The following FBXL7 variants were observed in gnomAD, a reference collection of about 807,000 sequenced individuals.
FBXL7 encodes the protein F-box/LRR-repeat protein 7.
A neutral mutation model predicts 38.3 loss-of-function variants in FBXL7; 12 were observed. That is an observed-to-expected ratio of 0.31 (90% confidence interval 0.20 to 0.51). The LOEUF (loss-of-function observed/expected upper bound fraction) is 0.51, where lower values mean the gene tolerates loss of function less well. FBXL7 is among the 20% of genes least tolerant of loss of function. FBXL7 has a pLI of 0.98. For missense variants in FBXL7, 567 were observed against 676.4 expected (o/e 0.84, Z 1.79); for synonymous variants, 297 against 300.9 (o/e 0.99, Z 0.13).
intron 2 of FBXL7, among the ~76,000 whole-genome samples, chr5:15,851,157 C>T (rs1282917648): frequency 1.3e-5 from 2 of 152,172 alleles, no homozygotes; most frequent in African/African-American, 4.8e-5. Context: ...AACGTGCTGC[C>T]AGGTCCGTTC....
intron 2 of FBXL7, among the ~76,000 whole-genome samples, chr5:15,709,135 G>C (rs1743779036): frequency 6.6e-6 from 1 of 152,044 alleles, no homozygotes; most frequent in African/African-American, 2.4e-5. Flanking sequence ...TAAGATGCTG[G>C]GACCAAGGTG....
intron 2 of FBXL7, among the ~76,000 whole-genome samples, chr5:15,670,421 C>A (rs1254745319): frequency 6.6e-6 from 1 of 152,210 alleles, no homozygotes; most frequent in Non-Finnish European, 1.5e-5. Context: ...ACTTTTCCTT[C>A]ATTACAGCAG....
At chr5:15,635,801 C>T (rs547325330) in intron 2 of FBXL7, among the ~76,000 whole-genome samples, 3 of 152,110 alleles carry the variant, frequency 2.0e-5, no homozygotes, top group Non-Finnish European at 4.4e-5. Flanking sequence ...CAGACGTCTG[C>T]GTGGCCCTGG....
intron 2 of FBXL7, among the ~76,000 whole-genome samples, chr5:15,885,498 C>G (rs1474528307): frequency 6.6e-6 from 1 of 152,144 alleles, no homozygotes; most frequent in East Asian, 1.9e-4. Flanking sequence ...CACTGGCACC[C>G]ACGTCAGGGA....
intron 2 of FBXL7, among the ~76,000 whole-genome samples, chr5:15,758,014 C>T (rs573617790): frequency 6.6e-6 from 1 of 151,988 alleles, no homozygotes; most frequent in East Asian, 1.9e-4. Context: ...GGTGAAATTA[C>T]GATAAAGATG....
intron 2 of FBXL7, among the ~76,000 whole-genome samples, chr5:15,873,281 A>G (rs1015217189): frequency 1.3e-5 from 2 of 152,190 alleles, no homozygotes; most frequent in African/African-American, 4.8e-5. Flanking sequence ...AGGGAAATTT[A>G]TAGCACTAAA....
intron 2 of FBXL7, among the ~76,000 whole-genome samples, chr5:15,648,744 T>G (rs187373207): frequency 2.6e-4 from 39 of 152,354 alleles, no homozygotes; most frequent in Admixed American, 9.8e-4. Flanking sequence ...TCTAGCCTTA[T>G]GCCGTGTTGA....
chr5:15,545,426 G>A (rs1017518021), intron 1 of FBXL7, among the ~76,000 whole-genome samples: 1 of 152,216 alleles, frequency 6.6e-6, no homozygotes, highest in African/African-American at 2.4e-5. Context: ...GATTCAACAT[G>A]AACAAGACAG....
At position 15,664,248 on chromosome 5, in the gene FBXL7, C is replaced by A. The variant is rs62347935; in HGVS notation, c.127+48176C>A. Among the ~76,000 whole-genome samples the A allele has an allele frequency of 7.6e-3, 1,163 of 152,154 alleles. 12 individuals are homozygous for A. The highest frequency in any genetic ancestry group is 0.012 in the Non-Finnish European group (826 of 68,000). ...CATGAGAAACTCACAGCAGTATACACGCATTTTTCTCTCTCTCAGTCTTTG... is the reference window on the plus strand; with the variant it reads ...CATGAGAAACTCACAGCAGTATACAAGCATTTTTCTCTCTCTCAGTCTTTG... On this transcript the variant is annotated intron_variant, in intron 2 of 3. Transcript: ENST00000504595.
In FBXL7 at chr5:15,937,213, T is replaced by G. The variant is rs1477811950; in HGVS notation, c.*27T>G. On this transcript the variant is annotated 3_prime_UTR_variant, in exon 4 of 4. Transcript: ENST00000504595. ...GGGACAGAGTTCATCCGGCGTTGTA[T>G]TCACACAAACCTGAACAAAGCAAAT... The G allele has an allele frequency of 1.3e-6, 2 of 1,545,364 alleles. No homozygotes were observed. Among genetic ancestry groups the G allele is most frequent in the African/African-American group, 1.4e-5 (1 of 73,526 alleles).
intron 1 of FBXL7, among the ~76,000 whole-genome samples, chr5:15,531,491 A>C (rs1022632808): frequency 3.9e-5 from 6 of 152,202 alleles, no homozygotes; most frequent in African/African-American, 9.6e-5. Context: ...AACCCCTGAG[A>C]GACAGCAAGC....
intron 2 of FBXL7, among the ~76,000 whole-genome samples, chr5:15,712,399 C>A (rs1219150082): frequency 2.8e-4 from 41 of 147,026 alleles, no homozygotes; most frequent in Non-Finnish European, 4.5e-5. Context: ...CCCAAAGAAA[C>A]TGAAAAACCT....
At chr5:15,555,358 G>T (rs1387813086) in intron 1 of FBXL7, among the ~76,000 whole-genome samples, 1 of 152,210 alleles carries the variant, frequency 6.6e-6, no homozygotes, top group African/African-American at 2.4e-5. Context: ...GTCTAATAGT[G>T]TGGGTGTGTG....
intron 2 of FBXL7, among the ~76,000 whole-genome samples, chr5:15,867,682 A>C (rs749553067): frequency 1.3e-5 from 2 of 152,208 alleles, no homozygotes; most frequent in Non-Finnish European, 2.9e-5. Flanking sequence ...TTGATTACTT[A>C]AGTGGGCTCA....
chr5:15,767,068 A>T (rs1024971649), intron 2 of FBXL7, among the ~76,000 whole-genome samples: 1 of 152,116 alleles, frequency 6.6e-6, no homozygotes, highest in Admixed American at 6.5e-5. Flanking sequence ...ATAGGCAAAC[A>T]TGTGCCATGG....
At chr5:15,880,177 A>G (rs891724668) in intron 2 of FBXL7, among the ~76,000 whole-genome samples, 2 of 152,172 alleles carry the variant, frequency 1.3e-5, no homozygotes, top group Non-Finnish European at 2.9e-5. Flanking sequence ...TGCTGCCTCT[A>G]CCATTTACTG....
chr5:15,815,902 T>C lies in FBXL7; in HGVS notation c.128-111988T>C, dbSNP rs116769835. Reference sequence around the variant, plus strand: ...AACTGTCTGGAAAGAGCTATGAAAATATGTTTATATGTGAAACGTGCTGCA... The same window carrying C: ...AACTGTCTGGAAAGAGCTATGAAAACATGTTTATATGTGAAACGTGCTGCA... On this transcript the variant is annotated intron_variant, in intron 2 of 3. Coordinates refer to ENST00000504595, the MANE Select transcript of FBXL7 (RefSeq NM_012304.5). Among the ~76,000 whole-genome samples the C allele has an allele frequency of 3.0e-3, 463 of 152,252 alleles. 3 individuals carry two copies. Among genetic ancestry groups the C allele is most frequent in the African/African-American group, 0.011 (449 of 41,552 alleles).
At chr5:15,827,603 G>A (rs1476308933) in intron 2 of FBXL7, among the ~76,000 whole-genome samples, 2 of 152,192 alleles carry the variant, frequency 1.3e-5, no homozygotes, top group Non-Finnish European at 2.9e-5. Flanking sequence ...GTGAGAGAAA[G>A]AGAGAAAGGG....
chr5:15,795,510 C>T (rs1248858864), intron 2 of FBXL7, among the ~76,000 whole-genome samples: 3 of 152,158 alleles, frequency 2.0e-5, no homozygotes, highest in African/African-American at 7.2e-5. Flanking sequence ...CCAGATATTG[C>T]AGTTGTCATC....
Sources: gnomAD v4.1 joint callset for allele counts (sites outside exome capture counted in the v4.1 genomes callset) on GRCh38, gnomAD v4.1.1 for gene constraint, MANE v1.5 for transcripts, NCBI Gene and HGNC (gene_info 2026-07-23, HGNC 2026-07-21) for gene names.